TBC1D4: variants seen among roughly 807,000 people sequenced by gnomAD.
TBC1D4 encodes the protein TBC1 domain family member 4.
In TBC1D4, 121 loss-of-function variants were observed where a neutral mutation model predicts 142.5. The ratio of observed to expected loss-of-function variants is 0.85; its 90% CI spans 0.73 to 0.99. The LOEUF (loss-of-function observed/expected upper bound fraction) is 0.99, where lower values mean the gene tolerates loss of function less well. Ranked by LOEUF, TBC1D4 falls within the 50% of genes least tolerant of loss-of-function variation. The pLI is 0.00. For synonymous variants in TBC1D4, 630 were observed against 628.2 expected, an observed-to-expected ratio of 1.00 and a Z score of -0.04; for missense variants, 1,475 against 1,606.6, an observed-to-expected ratio of 0.92 and a Z score of 1.40.
chr13:75,404,111 T>C lies in TBC1D4; in HGVS notation c.499-41504A>G, dbSNP rs1299638435. Among the ~76,000 whole-genome samples, 4 of 147,806 alleles carry C rather than the reference T, an allele frequency of 2.7e-5. No homozygotes were observed. The East Asian group carries it at 7.7e-4, about 29-fold the overall frequency. ...ACATCTCCCCAGCAAAGGCAATAGTTACGTGAATCAAAGCATATTCATTCT... is the reference window on the plus strand; with the variant it reads ...ACATCTCCCCAGCAAAGGCAATAGTCACGTGAATCAAAGCATATTCATTCT... On this transcript the variant is annotated intron_variant, in intron 1 of 20. Transcript: ENST00000377636.
Position 75,367,104 on chromosome 13 carries a change from A to G in TBC1D4, c.499-4497T>C, listed in dbSNP as rs1225184535. The G allele has an allele frequency of 1.8e-5, 6 of 330,370 alleles. No individual in the cohort carries two copies. In the East Asian group the frequency reaches 5.0e-4, roughly 28 times the overall value. The allele number at this position is 330,370 out of a possible 1,614,324, so 20.5% of individuals were successfully genotyped here. ...ATAAAACTTCCCAGGAGTAACCATT[A>G]TTGCTTCAAAAGTTAAGTATTTCCT... On this transcript the variant is annotated intron_variant, in intron 1 of 20. Transcript: ENST00000377636.
intron 1 of TBC1D4, among the ~76,000 whole-genome samples, chr13:75,430,198 G>A (rs924379697): frequency 1.3e-5 from 2 of 152,044 alleles, no homozygotes; most frequent in African/African-American, 4.8e-5. Flanking sequence ...CTCTGTAACT[G>A]GAAATTTATA....
At chr13:75,353,774 A>G (rs1429243310) in intron 4 of TBC1D4, among the ~76,000 whole-genome samples, 8 of 152,178 alleles carry the variant, frequency 5.3e-5, no homozygotes, top group Non-Finnish European at 1.2e-4. Context: ...AGTAAAAAAA[A>G]GAGATAACTA....
chr13:75,380,067 C>T (rs568048603), intron 1 of TBC1D4, among the ~76,000 whole-genome samples: 9 of 151,344 alleles, frequency 5.9e-5, no homozygotes, highest in Middle Eastern at 3.2e-3. Flanking sequence ...TTAGTAGAGA[C>T]GGGGTTTCAC....
chr13:75,353,203 C>T (rs1881758742), intron 4 of TBC1D4, among the ~76,000 whole-genome samples: 1 of 152,200 alleles, frequency 6.6e-6, no homozygotes, highest in South Asian at 2.1e-4. Context: ...AGACTTTCTA[C>T]TGTGATTCCC....
At chr13:75,381,142 T>C (rs1481479413) in intron 1 of TBC1D4, among the ~76,000 whole-genome samples, 1 of 152,206 alleles carries the variant, frequency 6.6e-6, no homozygotes. Context: ...GTTAATAAAG[T>C]GGATGAATTA....
chr13:75,310,177 C>A, intron 13 of TBC1D4, 26 bp from the exon 14 acceptor site: 1 of 1,603,288 alleles, frequency 6.2e-7, no homozygotes, highest in South Asian at 1.1e-5. Context: ...CAGTGAGAGG[C>A]ATTCCTTAGC....
chr13:75,302,490 C>G, intron 15 of TBC1D4, 89 bp from the exon 16 acceptor site: 1 of 1,516,860 alleles, frequency 6.6e-7, no homozygotes, highest in South Asian at 1.1e-5. Flanking sequence ...TTCTGGTAAA[C>G]AGGCAGCTGT....
At position 75,477,254 on chromosome 13, in the gene TBC1D4, A is replaced by G. The variant is rs533856653; in HGVS notation, c.498+4016T>C. On this transcript the variant is annotated intron_variant, in intron 1 of 20. Transcript: ENST00000377636. ...AAGCTACTAACCATCAACTTTGAAAAAGAACTGAAAAATGACCTTCTAAAA... is the reference window on the plus strand; with the variant it reads ...AAGCTACTAACCATCAACTTTGAAAGAGAACTGAAAAATGACCTTCTAAAA... Among the ~76,000 whole-genome samples the G allele has an allele frequency of 4.6e-5, 7 of 152,350 alleles. No homozygotes were observed. In the East Asian group the frequency reaches 1.3e-3, roughly 29 times the overall value.
intron 3 of TBC1D4, among the ~76,000 whole-genome samples, chr13:75,358,001 A>ATT (rs11434134): frequency 0.55 from 83,413 of 151,264 alleles, 25,410 homozygotes; most frequent in East Asian, 0.78. Context: ...TTTTCTTTCT[A>ATT]TTTTTTTTTC....
chr13:75,369,662 C>A (rs1225754139), intron 1 of TBC1D4, among the ~76,000 whole-genome samples: 1 of 152,124 alleles, frequency 6.6e-6, no homozygotes, highest in South Asian at 2.1e-4. Context: ...TATGATACCC[C>A]CTAGGTCTCA....
chr13:75,393,463 C>T (rs9543918), intron 1 of TBC1D4, among the ~76,000 whole-genome samples: 150,565 of 152,308 alleles, frequency 0.99, 74,443 homozygotes, highest in Middle Eastern at 1. Context: ...TATCCTTTGC[C>T]GCATTCGATC....
intron 1 of TBC1D4, among the ~76,000 whole-genome samples, chr13:75,452,615 A>G (rs1324009856): frequency 3.9e-5 from 6 of 152,206 alleles, no homozygotes; most frequent in Non-Finnish European, 8.8e-5. Flanking sequence ...CTAAACATTA[A>G]CCCACATTCC....
chr13:75,350,611 G>A (rs190205301), intron 4 of TBC1D4, among the ~76,000 whole-genome samples: 21 of 152,164 alleles, frequency 1.4e-4, no homozygotes, highest in African/African-American at 4.8e-4. Flanking sequence ...CCTTGTTAAC[G>A]CATTCAAAAG....
chr13:75,313,141 C>G (rs1048781958), intron 12 of TBC1D4, among the ~76,000 whole-genome samples: 2 of 152,186 alleles, frequency 1.3e-5, no homozygotes, highest in African/African-American at 4.8e-5. Flanking sequence ...CCTTAGCAGC[C>G]AACCAGTCCT....
chr13:75,419,107 T>C (rs1191488711), intron 1 of TBC1D4, among the ~76,000 whole-genome samples: 3 of 152,220 alleles, frequency 2.0e-5, no homozygotes, highest in Non-Finnish European at 4.4e-5. Flanking sequence ...ATGGAGATTA[T>C]ATAACTCAGG....
At chr13:75,290,752 T>C (rs1593859983) in intron 19 of TBC1D4, among the ~76,000 whole-genome samples, 1 of 152,126 alleles carries the variant, frequency 6.6e-6, no homozygotes, top group East Asian at 1.9e-4. Flanking sequence ...AACATATTGG[T>C]TATATTTGCT....
chr13:75,445,461 C>T (rs1887236110), intron 1 of TBC1D4, among the ~76,000 whole-genome samples: 1 of 152,132 alleles, frequency 6.6e-6, no homozygotes, highest in South Asian at 2.1e-4. Flanking sequence ...ATAACATCAT[C>T]TATTGTTGTA....
At chr13:75,420,993 A>G (rs940948364) in intron 1 of TBC1D4, among the ~76,000 whole-genome samples, 2 of 152,222 alleles carry the variant, frequency 1.3e-5, no homozygotes, top group African/African-American at 4.8e-5. Flanking sequence ...CCAACACTGG[A>G]AAGTCAAAAG....
Sources: gnomAD v4.1 joint callset for allele counts (sites outside exome capture counted in the v4.1 genomes callset) on GRCh38, gnomAD v4.1.1 for gene constraint, MANE v1.5 for transcripts, NCBI Gene and HGNC (gene_info 2026-07-23, HGNC 2026-07-21) for gene names.